Variants in RNF125 observed in about 807,000 individuals in gnomAD.
The protein encoded by RNF125 is ring finger protein 125.
A neutral mutation model predicts 26.0 loss-of-function variants in RNF125; 21 were observed. The ratio of observed to expected loss-of-function variants is 0.81; its 90% CI spans 0.57 to 1.16. The LOEUF (loss-of-function observed/expected upper bound fraction) is 1.16. Among genes scored for constraint, RNF125 ranks in the 50% most tolerant of loss-of-function variants. The pLI is 0.00. For synonymous variants in RNF125, 95 were observed against 109.2 expected, an observed-to-expected ratio of 0.87 and a Z score of 0.81; for missense variants, 270 against 299.4, an observed-to-expected ratio of 0.90 and a Z score of 0.72.
At chr18:32,082,502 G>T in the RNF125 span, among the ~76,000 whole-genome samples, 1 of 152,178 alleles carries the variant, frequency 6.6e-6, no homozygotes, top group Non-Finnish European at 1.5e-5. Context: ...ATATTTTAGG[G>T]AATAGAGAAG....
downstream of RNF125, among the ~76,000 whole-genome samples, chr18:32,077,972 TA>T (rs146939049): frequency 0.015 from 2,316 of 151,834 alleles, 68 homozygotes; most frequent in African/African-American, 0.053. Context: ...AAATTTTTTG[TA>T]GAGACAGGGT....
At chr18:32,084,371 C>T in the RNF125 span, among the ~76,000 whole-genome samples, 1 of 151,998 alleles carries the variant, frequency 6.6e-6, no homozygotes, top group East Asian at 1.9e-4. Flanking sequence ...AACAAACAAA[C>T]AAACAAAAAA....
At chr18:32,037,830 A>C (rs2039174560) in intron 2 of RNF125, among the ~76,000 whole-genome samples, 1 of 152,182 alleles carries the variant, frequency 6.6e-6, no homozygotes, top group Non-Finnish European at 1.5e-5. Flanking sequence ...ACCAATCAGC[A>C]GGATTCTGAA....
At chr18:32,085,764 C>T in the RNF125 span, among the ~76,000 whole-genome samples, 2 of 149,128 alleles carry the variant, frequency 1.3e-5, no homozygotes, top group African/African-American at 4.9e-5. Context: ...TCCTTCCTTC[C>T]TGATCTCTCA....
At chr18:32,028,108 C>T (rs777682854) in intron 1 of RNF125, among the ~76,000 whole-genome samples, 69 of 151,474 alleles carry the variant, frequency 4.6e-4, no homozygotes, top group Non-Finnish European at 9.4e-4. Flanking sequence ...ACCATCCTGG[C>T]TAACATGGTG....
intron 1 of RNF125, among the ~76,000 whole-genome samples, chr18:32,029,619 C>A (rs74375205): frequency 2.4e-4 from 35 of 146,918 alleles, no homozygotes; most frequent in Admixed American, 3.4e-4. Context: ...GACCCTGCCT[C>A]AAAAAAAAAA....
intron 4 of RNF125, among the ~76,000 whole-genome samples, chr18:32,046,918 T>A (rs1210524823): frequency 6.6e-6 from 1 of 151,948 alleles, no homozygotes; most frequent in Admixed American, 6.6e-5. Context: ...AGACAGGCCA[T>A]AGTACAGTGG....
chr18:32,047,770 C>T (rs1490661793), intron 4 of RNF125, among the ~76,000 whole-genome samples: 2 of 151,850 alleles, frequency 1.3e-5, no homozygotes, highest in Admixed American at 6.6e-5. Context: ...GAAATTAAAA[C>T]ATAAATATAT....
intron 1 of RNF125, among the ~76,000 whole-genome samples, chr18:32,029,157 A>T (rs2039068385): frequency 1.3e-5 from 2 of 152,142 alleles, no homozygotes; most frequent in Admixed American, 6.5e-5. Flanking sequence ...GGTGGACTTT[A>T]ATTTAAGAAG....
downstream of RNF125, chr18:32,076,134 T>C (rs771779933): frequency 6.2e-4 from 367 of 594,180 alleles, no homozygotes; most frequent in Non-Finnish European, 1.0e-3. Flanking sequence ...GACTCGCCAA[T>C]GTAACCATGC....
the RNF125 span, among the ~76,000 whole-genome samples, chr18:32,084,282 G>A: frequency 4.6e-5 from 7 of 152,308 alleles, no homozygotes; most frequent in Admixed American, 1.3e-4. Context: ...TTGAACCCAG[G>A]AGACGGAGGT....
At chr18:32,041,086 G>A (rs1039248755) in intron 2 of RNF125, among the ~76,000 whole-genome samples, 42 of 152,100 alleles carry the variant, frequency 2.8e-4, no homozygotes, top group African/African-American at 9.9e-4. Flanking sequence ...AGAGTGGGTC[G>A]GCCACCTTAC....
chr18:32,063,819 A>T (rs1350618560), intron 4 of RNF125, among the ~76,000 whole-genome samples: 1 of 152,170 alleles, frequency 6.6e-6, no homozygotes, highest in Non-Finnish European at 1.5e-5. Context: ...CAATCTCAAA[A>T]GGTTAAATAC....
downstream of RNF125, among the ~76,000 whole-genome samples, chr18:32,076,996 A>T (rs912106187): frequency 6.6e-6 from 1 of 152,180 alleles, no homozygotes; most frequent in Admixed American, 6.5e-5. Flanking sequence ...AAGTTATCTT[A>T]TACATTTATT....
At chr18:32,027,397 G>C (rs542845821) in intron 1 of RNF125, among the ~76,000 whole-genome samples, 2 of 152,160 alleles carry the variant, frequency 1.3e-5, no homozygotes, top group South Asian at 4.1e-4. Context: ...TACCAATAAG[G>C]TAGCTATTTA....
chr18:32,051,342 C>T (rs961167661), intron 4 of RNF125, among the ~76,000 whole-genome samples: 6 of 152,022 alleles, frequency 3.9e-5, no homozygotes, highest in South Asian at 2.1e-4. Context: ...ACAGGCTGGG[C>T]GCGGTGGCTC....
rs2039052848 is a variant in RNF125 at position 32,027,923 on chromosome 18, T to G, written c.164+8896T>G. Among the ~76,000 whole-genome samples the G allele has an allele frequency of 2.6e-5, 4 of 151,410 alleles. No homozygotes were observed. The South Asian group carries it at 8.3e-4, about 31-fold the overall frequency. ...GATTGCAAGATGGCAAGACAAGTTA[T>G]AAGAGGGAAAAAAAAACATAAGGGG... On this transcript the variant is annotated intron_variant, in intron 1 of 5. Transcript: ENST00000217740.
intron 4 of RNF125, among the ~76,000 whole-genome samples, chr18:32,064,277 G>A (rs780203290): frequency 9.2e-5 from 14 of 151,700 alleles, no homozygotes; most frequent in East Asian, 1.9e-4. Context: ...GAGCCACGGC[G>A]CCCAGGGATT....
chr18:32,037,260 T>C lies in RNF125; in HGVS notation c.309T>C (p.Cys103=). ...MKSEYKNCAE[C]DTLVCLSEMR... The stretch of plus-strand genomic sequence containing the variant: ...CAGAGTATAAGAACTGCGCTGAGTG[T>C]GACACCCTGGTATGTATGTGACCCC... The change falls in exon 2 of 6, where the codon TGT becomes TGC. Residue 103 remains cysteine (C), a synonymous_variant. Coordinates refer to ENST00000217740, the MANE Select transcript of RNF125 (RefSeq NM_017831.4). 6.4e-7 allele frequency: 1 copy of C among 1,573,484 alleles called. No individual in the cohort carries two copies. The highest frequency in any genetic ancestry group is 8.6e-7 in the Non-Finnish European group (1 of 1,164,220).
Sources: allele counts gnomAD v4.1 joint callset (sites outside exome capture counted in the v4.1 genomes callset), GRCh38; gene constraint gnomAD v4.1.1; transcripts MANE v1.5; gene names NCBI Gene and HGNC (gene_info 2026-07-23, HGNC 2026-07-21).